XIRP2: variants seen among roughly 807,000 people sequenced by gnomAD.
XIRP2 encodes xin actin binding repeat containing 2, also known as xin actin-binding repeat-containing protein 2.
XIRP2 carries 236 observed loss-of-function variants against 277.0 expected under a neutral mutation model. That is an observed-to-expected ratio of 0.85 (90% CI 0.77 to 0.95). The LOEUF is 0.95. XIRP2 is among the 40% of genes least tolerant of loss of function. XIRP2 has a pLI of 0.00. For synonymous variants in XIRP2, 1,490 were observed against 1,416.5 expected, an observed-to-expected ratio of 1.05 and a Z score of -1.17; for missense variants, 4,640 against 4,157.5, an observed-to-expected ratio of 1.12 and a Z score of -3.19.
chr2:167,139,441 C>T (rs994138257), intron 3 of XIRP2, among the ~76,000 whole-genome samples: 2 of 152,102 alleles, frequency 1.3e-5, no homozygotes. Flanking sequence ...TATTCAAAGT[C>T]ACTTTTTCCA....
chr2:167,195,056 G>A (rs937469374), intron 3 of XIRP2, among the ~76,000 whole-genome samples: 8 of 152,136 alleles, frequency 5.3e-5, no homozygotes, highest in Non-Finnish European at 8.8e-5. Flanking sequence ...CCGTTTAAGA[G>A]AGAAACTGGT....
At chr2:166,964,822 T>A in intron 2 of XIRP2, among the ~76,000 whole-genome samples, 1 of 151,950 alleles carries the variant, frequency 6.6e-6, no homozygotes, top group Admixed American at 6.6e-5. Flanking sequence ...TACCTCTTTT[T>A]TCTTCTAGTT....
At chr2:166,963,504 TGGA>T (rs1686349580) in intron 2 of XIRP2, among the ~76,000 whole-genome samples, 1 of 151,832 alleles carries the variant, frequency 6.6e-6, no homozygotes, top group East Asian at 1.9e-4. Flanking sequence ...AATAAAAATG[TGGA>T]GGAGGAGAGA....
chr2:167,113,458 G>T (rs1472992977), intron 2 of XIRP2, among the ~76,000 whole-genome samples: 3 of 152,054 alleles, frequency 2.0e-5, no homozygotes, highest in African/African-American at 2.4e-5. Context: ...CTGAAATTAG[G>T]ATTGTAACCC....
At chr2:167,242,044 G>C in intron 8 of XIRP2, 134 bp downstream of exon 8, 6 of 1,169,948 alleles carry the variant, frequency 5.1e-6, no homozygotes, top group Non-Finnish European at 6.8e-6. Flanking sequence ...ATTCAGTTCT[G>C]TAAGGAGAAT....
chr2:166,900,197 A>T (rs569723372), intron 1 of XIRP2, among the ~76,000 whole-genome samples: 1 of 152,050 alleles, frequency 6.6e-6, no homozygotes, highest in East Asian at 1.9e-4. Context: ...TTTTGTTCAG[A>T]TTTGATACTT....
chr2:167,053,405 G>A (rs1688963994), intron 2 of XIRP2, among the ~76,000 whole-genome samples: 1 of 151,958 alleles, frequency 6.6e-6, no homozygotes. Flanking sequence ...ATTTGACATT[G>A]TTTCTTCCCT....
chr2:167,038,581 A>G (rs886458453), intron 2 of XIRP2, among the ~76,000 whole-genome samples: 6 of 151,526 alleles, frequency 4.0e-5, no homozygotes, highest in African/African-American at 1.4e-4. Context: ...TATAATAATT[A>G]GAAAATTCCC....
intron 5 of XIRP2, among the ~76,000 whole-genome samples, chr2:167,220,297 T>C (rs530263291): frequency 1.3e-5 from 2 of 152,194 alleles, no homozygotes; most frequent in African/African-American, 4.8e-5. Flanking sequence ...GTCATTTGGG[T>C]TCAAATTCCT....
intron 2 of XIRP2, among the ~76,000 whole-genome samples, chr2:166,932,001 T>C (rs957501679): frequency 1.3e-5 from 2 of 152,176 alleles, no homozygotes. Context: ...TTCATTTCCT[T>C]AGTAACTAAT....
intron 5 of XIRP2, among the ~76,000 whole-genome samples, chr2:167,219,051 AT>A (rs143896165): frequency 0.024 from 3,653 of 151,038 alleles, 146 homozygotes; most frequent in African/African-American, 0.085. Flanking sequence ...AAGTGGATGT[AT>A]TTTTTTTTAA....
chr2:167,244,074 A>C lies in XIRP2; in HGVS notation c.2682A>C (p.Gly894=), dbSNP rs1230070632. The C allele has an allele frequency of 6.2e-7, 1 of 1,613,990 alleles. No individual in the cohort carries two copies. Among genetic ancestry groups the C allele is most frequent in the African/African-American group, 1.3e-5 (1 of 75,034 alleles). ...IEALKDSPDI[G]KLQKITASEE... is the part of the protein sequence containing the mutation. ...CATTAAAAGACAGTCCTGATATAGG[A>C]AAGCTTCAAAAAATCACTGCCTCTG... Residue 894 remains glycine, a synonymous_variant, in exon 9 of 11, where the codon GGA becomes GGC. Transcript: ENST00000409195.
intron 3 of XIRP2, among the ~76,000 whole-genome samples, chr2:167,175,441 G>C (rs1232007343): frequency 6.6e-6 from 1 of 152,152 alleles, no homozygotes; most frequent in African/African-American, 2.4e-5. Flanking sequence ...TCCAGTCCCT[G>C]TTTGCCTAGG....
At chr2:167,165,985 C>T (rs190536340) in intron 3 of XIRP2, among the ~76,000 whole-genome samples, 15 of 152,172 alleles carry the variant, frequency 9.9e-5, no homozygotes, top group African/African-American at 3.4e-4. Context: ...CATTTAGGTC[C>T]GTGATCCATT....
At chr2:166,958,587 CAAATA>C (rs1160068850) in intron 2 of XIRP2, among the ~76,000 whole-genome samples, 11 of 151,484 alleles carry the variant, frequency 7.3e-5, no homozygotes, top group Admixed American at 2.6e-4. Context: ...TCTCTCTGTG[CAAATA>C]AAATAAAATA....
At chr2:167,183,763 T>A (rs7565857) in intron 3 of XIRP2, among the ~76,000 whole-genome samples, 14,989 of 151,998 alleles carry the variant, frequency 0.099, 797 homozygotes, top group South Asian at 0.15. Context: ...TTTTTTAGTA[T>A]CAATGACAAT....
At chr2:166,909,674 A>G (rs1362730168) in intron 2 of XIRP2, among the ~76,000 whole-genome samples, 1 of 152,200 alleles carries the variant, frequency 6.6e-6, no homozygotes, top group African/African-American at 2.4e-5. Flanking sequence ...GTGGTGAGAG[A>G]GGGCATCCCT....
chr2:167,208,111 G>A (rs1454085016), intron 3 of XIRP2, among the ~76,000 whole-genome samples: 1 of 152,154 alleles, frequency 6.6e-6, no homozygotes. Flanking sequence ...TTACTCGTCT[G>A]CACAATAAAT....
chr2:166,925,607 A>ATATATATATATATACATATAAG (rs1685166169), intron 2 of XIRP2, among the ~76,000 whole-genome samples: 1 of 141,552 alleles, frequency 7.1e-6, no homozygotes, highest in Non-Finnish European at 1.5e-5. Flanking sequence ...ATATATATAT[A>ATATATATATATATACATATAAG]TATATATATA....
Sources: allele counts gnomAD v4.1 joint callset (sites outside exome capture counted in the v4.1 genomes callset), GRCh38; gene constraint gnomAD v4.1.1; transcripts MANE v1.5; gene names NCBI Gene and HGNC (gene_info 2026-07-23, HGNC 2026-07-21).